The following LIN9 variants were observed in gnomAD, a reference collection of about 807,000 sequenced individuals.
LIN9 encodes the protein lin-9 DREAM MuvB core complex component, also known as protein lin-9 homolog.
LIN9 carries 18 observed loss-of-function variants against 78.0 expected under a neutral mutation model. That is an observed-to-expected ratio of 0.23 (90% confidence interval 0.16 to 0.34). The LOEUF (loss-of-function observed/expected upper bound fraction) is 0.34. Among genes scored for constraint, LIN9 ranks in the 10% least tolerant of loss-of-function variants. The pLI, the probability that LIN9 is intolerant of heterozygous loss-of-function variation, is 1.00. For missense variants in LIN9, 451 were observed against 644.1 expected (o/e 0.70, Z 3.25); for synonymous variants, 192 against 215.2 (o/e 0.89, Z 0.94).
chr1:226,286,176 T>C (rs1293171638), intron 6 of LIN9, among the ~76,000 whole-genome samples, 157 bp downstream of exon 6: 1 of 152,166 alleles, frequency 6.6e-6, no homozygotes, highest in Non-Finnish European at 1.5e-5. Flanking sequence ...TAGAGTGCAG[T>C]GACTATTCAC....
intron 6 of LIN9, among the ~76,000 whole-genome samples, chr1:226,280,568 G>C (rs1660983353): frequency 6.6e-6 from 1 of 152,144 alleles, no homozygotes; most frequent in African/African-American, 2.4e-5. Flanking sequence ...ATGAGGTCAG[G>C]AGATCGAGAC....
intron 3 of LIN9, among the ~76,000 whole-genome samples, chr1:226,297,305 T>G (rs1164234019): frequency 6.6e-6 from 1 of 152,202 alleles, no homozygotes; most frequent in African/African-American, 2.4e-5. Flanking sequence ...GTCAATTATA[T>G]GCTCATCTCT....
At chr1:226,302,940 A>G (rs1477404318) in intron 1 of LIN9, among the ~76,000 whole-genome samples, 1 of 152,154 alleles carries the variant, frequency 6.6e-6, no homozygotes. Flanking sequence ...CTTGTGAAAC[A>G]GACACCTATT....
chr1:226,250,292 T>C (rs754995907), intron 11 of LIN9, among the ~76,000 whole-genome samples: 1 of 152,116 alleles, frequency 6.6e-6, no homozygotes, highest in Non-Finnish European at 1.5e-5. Flanking sequence ...GATGACAACA[T>C]AGATATTTCC....
intron 10 of LIN9, among the ~76,000 whole-genome samples, chr1:226,258,258 T>G (rs894182035): frequency 3.9e-5 from 6 of 151,956 alleles, no homozygotes; most frequent in Admixed American, 6.6e-5. Context: ...TCCAGCACTT[T>G]GGGAGGCTGA....
intron 7 of LIN9, among the ~76,000 whole-genome samples, chr1:226,270,570 G>A (rs79710431): frequency 2.2e-3 from 330 of 152,104 alleles, no homozygotes; most frequent in Admixed American, 4.7e-3. Flanking sequence ...TGGGCGTGGT[G>A]GCTCACTTTG....
chr1:226,269,706 C>T (rs369281452), intron 7 of LIN9, among the ~76,000 whole-genome samples: 14 of 151,994 alleles, frequency 9.2e-5, no homozygotes, highest in South Asian at 6.2e-4. Flanking sequence ...CATAAAAGGG[C>T]GGAAATAAGC....
intron 2 of LIN9, among the ~76,000 whole-genome samples, chr1:226,299,037 T>C (rs1367922575): frequency 6.6e-6 from 1 of 152,136 alleles, no homozygotes; most frequent in African/African-American, 2.4e-5. Flanking sequence ...ATTAGACATA[T>C]TGTGAAAATA....
At chr1:226,242,321 T>C (rs1353811807) in intron 11 of LIN9, among the ~76,000 whole-genome samples, 1 of 152,226 alleles carries the variant, frequency 6.6e-6, no homozygotes, top group African/African-American at 2.4e-5. Context: ...TTTGGAAATT[T>C]TGTATATAGT....
intron 4 of LIN9, among the ~76,000 whole-genome samples, chr1:226,288,163 G>T (rs1263966991): frequency 6.6e-6 from 1 of 151,990 alleles, no homozygotes; most frequent in Non-Finnish European, 1.5e-5. Flanking sequence ...GTAGAGATGG[G>T]GTTTCACCAT....
chr1:226,264,671 C>A (rs942331789), intron 10 of LIN9, among the ~76,000 whole-genome samples: 22 of 152,042 alleles, frequency 1.4e-4, no homozygotes, highest in Admixed American at 3.3e-4. Context: ...CACAGTGAAA[C>A]CCCATCTCTA....
intron 10 of LIN9, among the ~76,000 whole-genome samples, chr1:226,258,219 G>A (rs1576302109): frequency 6.7e-6 from 1 of 148,238 alleles, no homozygotes; most frequent in East Asian, 1.9e-4. Flanking sequence ...AACAAAACAG[G>A]GCTAGTCTCA....
intron 11 of LIN9, among the ~76,000 whole-genome samples, chr1:226,244,663 T>G (rs1056271870): frequency 2.0e-5 from 3 of 152,174 alleles, no homozygotes; most frequent in Non-Finnish European, 2.9e-5. Context: ...AATATCAGAT[T>G]TAGCAGTTCA....
chr1:226,235,483 C>T (rs6703375), intron 12 of LIN9, among the ~76,000 whole-genome samples: 61,021 of 151,754 alleles, frequency 0.4, 12,445 homozygotes, highest in East Asian at 0.47. Context: ...ATGCTTGGGA[C>T]CAGAAGTGTT....
chr1:226,302,968 C>A (rs958361785), intron 1 of LIN9, among the ~76,000 whole-genome samples: 1 of 148,412 alleles, frequency 6.7e-6, no homozygotes, highest in Non-Finnish European at 1.5e-5. Context: ...AAGACACTTA[C>A]TTTCACTCTA....
chr1:226,286,505 T>G, intron 5 of LIN9, 47 bp from the exon 6 acceptor site: 1 of 1,422,044 alleles, frequency 7.0e-7, no homozygotes, highest in Non-Finnish European at 9.5e-7. Context: ...AATGTGTTAC[T>G]TTCTTAAAAC....
At chr1:226,299,590 C>T (rs116276002) in intron 2 of LIN9, among the ~76,000 whole-genome samples, 201 of 150,216 alleles carry the variant, frequency 1.3e-3, no homozygotes, top group African/African-American at 4.6e-3. Flanking sequence ...TTAAGAATCA[C>T]AAAAGACAAA....
intron 11 of LIN9, among the ~76,000 whole-genome samples, chr1:226,246,818 A>T: frequency 6.7e-6 from 1 of 149,170 alleles, no homozygotes; most frequent in African/African-American, 2.4e-5. Context: ...AAAAAAGATA[A>T]TGTGTCTAAA....
At chr1:226,272,872 C>A (rs1257934453) in intron 7 of LIN9, among the ~76,000 whole-genome samples, 1 of 152,112 alleles carries the variant, frequency 6.6e-6, no homozygotes, top group East Asian at 1.9e-4. Flanking sequence ...AGCTTGGGGC[C>A]TTCACAGCCT....
Sources: allele counts gnomAD v4.1 joint callset (sites outside exome capture counted in the v4.1 genomes callset), GRCh38; gene constraint gnomAD v4.1.1; transcripts MANE v1.5; gene names NCBI Gene and HGNC (gene_info 2026-07-23, HGNC 2026-07-21).